DUSP19: variants seen among roughly 807,000 people sequenced by gnomAD.
The protein encoded by DUSP19 is dual specificity phosphatase 19, also known as dual specificity protein phosphatase 19.
In DUSP19, 14 loss-of-function variants were observed where a neutral mutation model predicts 16.6. The observed-to-expected ratio is 0.84, with a 90% confidence interval of 0.56 to 1.32. The LOEUF (loss-of-function observed/expected upper bound fraction) is 1.32. Ranked by LOEUF, DUSP19 falls within the 40% of genes most tolerant of loss-of-function variation. The probability of loss-of-function intolerance (pLI) is 0.00; values close to 1 mark genes in which losing one functional copy is unlikely to be tolerated. For synonymous variants in DUSP19, 81 were observed against 90.5 expected, an observed-to-expected ratio of 0.90 and a Z score of 0.59; for missense variants, 258 against 255.9, an observed-to-expected ratio of 1.01 and a Z score of -0.06.
chr2:183,088,415 T>G (rs559329208), intron 3 of DUSP19, among the ~76,000 whole-genome samples: 75 of 148,314 alleles, frequency 5.1e-4, no homozygotes, highest in African/African-American at 1.8e-3. Flanking sequence ...TTTTTGTTTT[T>G]TTTTTTTTTG....
In DUSP19 at chr2:183,086,549, G is replaced by A. The variant is rs1334914610; in HGVS notation, c.274-491G>A. Among the ~76,000 whole-genome samples the A allele has an allele frequency of 3.3e-5, 5 of 150,442 alleles. No homozygotes were observed. The East Asian group carries it at 7.8e-4, about 24-fold the overall frequency. On this transcript the variant is annotated intron_variant, in intron 2 of 3. Coordinates refer to ENST00000354221, the MANE Select transcript of DUSP19 (RefSeq NM_080876.4). ...AGGCCAGGTGTGGTGGCTTATACCT[G>A]TAATGCCAGCACTGTGGGAGGCGGA...
chr2:183,085,309 A>G (rs1248108903), intron 2 of DUSP19, among the ~76,000 whole-genome samples: 1 of 152,214 alleles, frequency 6.6e-6, no homozygotes, highest in African/African-American at 2.4e-5. Flanking sequence ...TGATCAAACA[A>G]AGAAGAGTCC....
At chr2:183,087,898 C>T (rs1175451117) in intron 3 of DUSP19, among the ~76,000 whole-genome samples, 1 of 152,104 alleles carries the variant, frequency 6.6e-6, no homozygotes, top group Admixed American at 6.5e-5. Context: ...TTCTCTTCCT[C>T]TCTCCCTTCT....
At chr2:183,081,317 C>G (rs1699589664) in intron 1 of DUSP19, among the ~76,000 whole-genome samples, 2 of 152,150 alleles carry the variant, frequency 1.3e-5, no homozygotes, top group Admixed American at 1.3e-4. Flanking sequence ...ACGATCTTGG[C>G]TCACTGCAAC....
intron 3 of DUSP19, 42 bp downstream of exon 3, chr2:183,087,234 T>C: frequency 6.4e-7 from 1 of 1,574,420 alleles, no homozygotes; most frequent in South Asian, 1.2e-5. Context: ...AAGCAGAAAT[T>C]TGAAAGTGTG....
In DUSP19 at chr2:183,095,694, C is replaced by G; in HGVS notation, c.*36C>G. 4 of 1,517,484 alleles carry G rather than the reference C, an allele frequency of 2.6e-6. No homozygotes were observed. Among genetic ancestry groups the G allele is most frequent in the Non-Finnish European group, 1.8e-6 (2 of 1,105,584 alleles). 94.0% of individuals were successfully genotyped at this position (1,517,484 alleles called of 1,614,324 possible). On this transcript the variant is annotated 3_prime_UTR_variant, in exon 4 of 4. Transcript: ENST00000354221. ...AGCAGACAATGGACAACTGTAGTTT[C>G]TGAATTGACTTCTATAGCCATCTTT... is the stretch of plus-strand genomic sequence containing the variant.
Position 183,078,856 on chromosome 2 carries a change from C to T in DUSP19, c.-78C>T. 3 of 1,342,872 alleles carry T rather than the reference C, an allele frequency of 2.2e-6. No homozygotes were observed. Among genetic ancestry groups the T allele is most frequent in the East Asian group, 4.9e-5 (2 of 40,748 alleles). The allele number at this position is 1,342,872 out of a possible 1,614,324, so 83.2% of individuals were successfully genotyped here. On this transcript the variant is annotated 5_prime_UTR_variant, in exon 1 of 4. Transcript: ENST00000354221. ...TCTGAGGCTGGCTTTGTTACCTGGG[C>T]AATAAGGGACTAGCAGTTCAGCCGT... is the stretch of plus-strand genomic sequence containing the variant.
At chr2:183,089,291 T>C (rs1699702203) in intron 3 of DUSP19, among the ~76,000 whole-genome samples, 1 of 152,150 alleles carries the variant, frequency 6.6e-6, no homozygotes, top group South Asian at 2.1e-4. Context: ...GTACAGCTAC[T>C]CTACCACCCA....
At chr2:183,085,861 T>C (rs950627093) in intron 2 of DUSP19, among the ~76,000 whole-genome samples, 1 of 119,182 alleles carries the variant, frequency 8.4e-6, no homozygotes, top group African/African-American at 3.1e-5. Context: ...TTTTTTTTTT[T>C]TTTTTTTTTT....
At chr2:183,093,522 G>A (rs1699758646) in intron 3 of DUSP19, among the ~76,000 whole-genome samples, 1 of 152,070 alleles carries the variant, frequency 6.6e-6, no homozygotes, top group East Asian at 1.9e-4. Context: ...TAAATTGTTT[G>A]TTACTATTTT....
chr2:183,089,576 T>C (rs1264883809), intron 3 of DUSP19, among the ~76,000 whole-genome samples: 1 of 151,916 alleles, frequency 6.6e-6, no homozygotes, highest in Non-Finnish European at 1.5e-5. Context: ...GTGGACACCA[T>C]GGAAGAAGAG....
intron 2 of DUSP19, 88 bp from the exon 3 acceptor site, chr2:183,086,952 C>T (rs1459834217): frequency 7.5e-7 from 1 of 1,328,232 alleles, no homozygotes; most frequent in East Asian, 2.4e-5. Flanking sequence ...TTTTACCTTT[C>T]TTGTTATAGA....
chr2:183,095,618 A>T lies in DUSP19; in HGVS notation c.614A>T (p.Glu205Val), dbSNP rs972819968. The change falls in exon 4 of 4, where the codon GAA becomes GTA. Residue 205 changes from glutamate to valine, a missense_variant. Transcript: ENST00000354221. ...EQLRTYQEGK[E>V]SNKCDRIQEN... ...CTTCGTACATATCAAGAGGGCAAAG[A>T]AAGCAATAAGTGTGACAGAATACAG... The T allele has an allele frequency of 6.2e-7, 1 of 1,614,108 alleles. No homozygotes were observed. The highest frequency in any genetic ancestry group is 1.7e-4 in the Middle Eastern group (1 of 6,060).
chr2:183,084,978 T>C (rs1325741120), intron 2 of DUSP19, among the ~76,000 whole-genome samples: 1 of 152,202 alleles, frequency 6.6e-6, no homozygotes, highest in Non-Finnish European at 1.5e-5. Flanking sequence ...TAGCTTTCTT[T>C]GGTAACTAAG....
At chr2:183,085,662 G>A (rs1486481430) in intron 2 of DUSP19, among the ~76,000 whole-genome samples, 2 of 151,840 alleles carry the variant, frequency 1.3e-5, no homozygotes, top group African/African-American at 4.8e-5. Flanking sequence ...TAAGGCTGAT[G>A]GTAGAAGAAG....
At chr2:183,094,427 G>GTC (rs1250283915) in intron 3 of DUSP19, among the ~76,000 whole-genome samples, 1 of 152,128 alleles carries the variant, frequency 6.6e-6, no homozygotes, top group Non-Finnish European at 1.5e-5. Context: ...AAGAAATGAA[G>GTC]TAACTAAAAT....
chr2:183,086,686 G>A (rs1192844035), intron 2 of DUSP19, among the ~76,000 whole-genome samples: 1 of 151,304 alleles, frequency 6.6e-6, no homozygotes, highest in Non-Finnish European at 1.5e-5. Context: ...AGCTGGGTGT[G>A]GTGGTACACG....
chr2:183,084,588 G>A (rs1002770635), intron 2 of DUSP19, among the ~76,000 whole-genome samples: 6 of 150,766 alleles, frequency 4.0e-5, no homozygotes, highest in Non-Finnish European at 7.4e-5. Context: ...CAGAGAGAGA[G>A]GTAAGCATGA....
At chr2:183,088,409 T>TG (rs1699690492) in intron 3 of DUSP19, among the ~76,000 whole-genome samples, 1 of 149,738 alleles carries the variant, frequency 6.7e-6, no homozygotes, top group Non-Finnish European at 1.5e-5. Flanking sequence ...TTTTTTTTTT[T>TG]GTTTTTTTTT....
Sources: gnomAD v4.1 joint callset for allele counts (sites outside exome capture counted in the v4.1 genomes callset) on GRCh38, gnomAD v4.1.1 for gene constraint, MANE v1.5 for transcripts, NCBI Gene and HGNC (gene_info 2026-07-23, HGNC 2026-07-21) for gene names.